The following RHOU variants were observed in gnomAD, a reference collection of about 807,000 sequenced individuals.
RHOU encodes rho-related GTP-binding protein RhoU.
Under a neutral mutation model 12.6 loss-of-function variants are expected in RHOU, and 8 were observed. The ratio of observed to expected loss-of-function variants is 0.64; its 90% CI spans 0.37 to 1.15. The LOEUF (loss-of-function observed/expected upper bound fraction) is 1.15. Ranked by LOEUF, RHOU falls within the 50% of genes most tolerant of loss-of-function variation. The pLI is 0.01. For synonymous variants in RHOU, 161 were observed against 147.4 expected (o/e 1.09, Z -0.67); for missense variants, 258 against 347.0 (o/e 0.74, Z 2.04).
At chr1:228,654,773 G>A in the RHOU span, among the ~76,000 whole-genome samples, 2 of 152,150 alleles carry the variant, frequency 1.3e-5, no homozygotes, top group Admixed American at 6.5e-5. Flanking sequence ...TGTTCATATT[G>A]TACTATTGGT....
At chr1:228,700,474 C>T in the RHOU span, among the ~76,000 whole-genome samples, 4 of 152,052 alleles carry the variant, frequency 2.6e-5, no homozygotes, top group African/African-American at 9.7e-5. Flanking sequence ...TTGTCAGAGT[C>T]CTTTTTATCT....
the RHOU span, among the ~76,000 whole-genome samples, chr1:228,707,131 T>C: frequency 6.5e-4 from 77 of 118,058 alleles, 1 homozygote; most frequent in African/African-American, 2.6e-3. Context: ...TATATACATA[T>C]ATATATATAT....
chr1:228,724,124 G>A, the RHOU span, among the ~76,000 whole-genome samples: 2 of 152,080 alleles, frequency 1.3e-5, no homozygotes, highest in Non-Finnish European at 2.9e-5. Context: ...CATCAGCTTC[G>A]TGGAGTGTCT....
intron 2 of RHOU, among the ~76,000 whole-genome samples, chr1:228,739,928 G>A (rs1662688579): frequency 6.6e-6 from 1 of 152,234 alleles, no homozygotes; most frequent in Non-Finnish European, 1.5e-5. Context: ...AACATAAGTT[G>A]TGGGCCTGCC....
the RHOU span, among the ~76,000 whole-genome samples, chr1:228,675,183 A>G: frequency 4.6e-5 from 7 of 152,302 alleles, no homozygotes; most frequent in East Asian, 1.3e-3. Flanking sequence ...GTTTCTTGAA[A>G]AGATCATTCT....
chr1:228,719,653 C>T, the RHOU span, among the ~76,000 whole-genome samples: 1 of 152,042 alleles, frequency 6.6e-6, no homozygotes, highest in Non-Finnish European at 1.5e-5. Context: ...TCACTTGAAC[C>T]CTGGGGGTGG....
the RHOU span, among the ~76,000 whole-genome samples, chr1:228,680,477 G>A: frequency 1.3e-5 from 2 of 152,178 alleles, no homozygotes; most frequent in African/African-American, 4.8e-5. Context: ...TTTGTATGCT[G>A]GAGATGTGGT....
the RHOU span, among the ~76,000 whole-genome samples, chr1:228,654,211 G>A: frequency 1.3e-5 from 2 of 151,892 alleles, no homozygotes; most frequent in African/African-American, 4.8e-5. Context: ...GGGTTCAAGT[G>A]ATTCTCTTGC....
At chr1:228,660,222 G>T in the RHOU span, among the ~76,000 whole-genome samples, 1 of 151,746 alleles carries the variant, frequency 6.6e-6, no homozygotes, top group African/African-American at 2.4e-5. Context: ...TGGATAACCT[G>T]GATGAAATGG....
the RHOU span, chr1:228,687,731 C>CGTGACCAACTTGTGCAAGAT: frequency 6.9e-7 from 1 of 1,443,800 alleles, no homozygotes; most frequent in African/African-American, 1.4e-5. Flanking sequence ...TGGGTGAGCA[C>CGTGACCAACTTGTGCAAGAT]GTGACCAACT....
At chr1:228,703,557 C>T in the RHOU span, among the ~76,000 whole-genome samples, 1 of 151,686 alleles carries the variant, frequency 6.6e-6, no homozygotes, top group Non-Finnish European at 1.5e-5. Flanking sequence ...AGATAGCCAG[C>T]TAAATGCCAG....
At chr1:228,740,692 G>A (rs1417923858) in intron 2 of RHOU, among the ~76,000 whole-genome samples, 1 of 152,238 alleles carries the variant, frequency 6.6e-6, no homozygotes, top group Non-Finnish European at 1.5e-5. Context: ...TGAGGGTTAA[G>A]TGACTCCACT....
At chr1:228,647,494 C>T in the RHOU span, among the ~76,000 whole-genome samples, 2 of 152,200 alleles carry the variant, frequency 1.3e-5, no homozygotes, top group African/African-American at 2.4e-5. Context: ...CAATGTCCTT[C>T]CTCCCGGGTA....
chr1:228,659,084 A>AC, the RHOU span, among the ~76,000 whole-genome samples: 1 of 152,168 alleles, frequency 6.6e-6, no homozygotes, highest in Non-Finnish European at 1.5e-5. Context: ...TTTTAAAAAA[A>AC]CAAAAAACAA....
chr1:228,733,133 A>G (rs1386831540), upstream of RHOU, among the ~76,000 whole-genome samples: 1 of 152,196 alleles, frequency 6.6e-6, no homozygotes, highest in Non-Finnish European at 1.5e-5. Flanking sequence ...TCATGTCCTT[A>G]CAAACATGGG....
At chr1:228,660,322 T>C in the RHOU span, among the ~76,000 whole-genome samples, 1 of 144,940 alleles carries the variant, frequency 6.9e-6, no homozygotes, top group Non-Finnish European at 1.5e-5. Flanking sequence ...GGAGACTGAA[T>C]CAGTAACCAA....
the RHOU span, among the ~76,000 whole-genome samples, chr1:228,710,612 C>G: frequency 0.039 from 5,847 of 150,680 alleles, 352 homozygotes; most frequent in African/African-American, 0.13. Flanking sequence ...ATTCAACAAC[C>G]CTTCATGCTA....
At chr1:228,655,106 CTTT>C in the RHOU span, among the ~76,000 whole-genome samples, 2 of 137,016 alleles carry the variant, frequency 1.5e-5, no homozygotes, top group Non-Finnish European at 1.6e-5. Flanking sequence ...ATTAACCTTG[CTTT>C]TTTTTTTTTT....
At chr1:228,646,758 G>T in the RHOU span, among the ~76,000 whole-genome samples, 2 of 152,044 alleles carry the variant, frequency 1.3e-5, no homozygotes, top group African/African-American at 4.8e-5. Context: ...ACACCCGTTC[G>T]TTCTCGTTCC....
Sources: gnomAD v4.1 joint callset for allele counts (sites outside exome capture counted in the v4.1 genomes callset) on GRCh38, gnomAD v4.1.1 for gene constraint, MANE v1.5 for transcripts, NCBI Gene and HGNC (gene_info 2026-07-23, HGNC 2026-07-21) for gene names.